ATP2B1: variants seen among roughly 807,000 people sequenced by gnomAD.
ATP2B1 encodes plasma membrane calcium-transporting ATPase 1.
Under a neutral mutation model 124.2 loss-of-function variants are expected in ATP2B1, and 14 were observed. That is an observed-to-expected ratio of 0.11 (90% CI 0.07 to 0.18). The LOEUF is 0.18. Among genes scored for constraint, ATP2B1 ranks in the 10% least tolerant of loss-of-function variants. ATP2B1 has a pLI of 1.00. For synonymous variants in ATP2B1, 449 were observed against 492.4 expected, an observed-to-expected ratio of 0.91 and a Z score of 1.17; for missense variants, 763 against 1,466.1, an observed-to-expected ratio of 0.52 and a Z score of 7.83.
intron 1 of ATP2B1, among the ~76,000 whole-genome samples, chr12:89,685,663 A>C (rs1442772104): frequency 2.0e-5 from 3 of 152,112 alleles, no homozygotes; most frequent in Non-Finnish European, 4.4e-5. Flanking sequence ...GTTTTAGTTG[A>C]CTAAAATTAC....
rs370724894 is a variant in ATP2B1, at chr12:89,609,864, C to CAACA, written c.2442+69_2442+72dup. On this transcript the variant is annotated intron_variant, in intron 15 of 20. Coordinates refer to ENST00000428670, the MANE Select transcript of ATP2B1 (RefSeq NM_001366521.1). Reference sequence around the variant, plus strand: ...TGTTTAAAATCCATAGTAATTTAGTCAACAAACAAACAAACAAACAAACAA... The same window carrying CAACA: ...TGTTTAAAATCCATAGTAATTTAGTCAACAAACAAACAAACAAACAAACAAACAA... 7.7e-4 allele frequency: 1,057 copies of CAACA among 1,365,410 alleles called. 1 individual carries two copies. The highest frequency in any genetic ancestry group is 2.8e-3 in the East Asian group (118 of 42,358). 84.6% of individuals were successfully genotyped at this position (1,365,410 alleles called of 1,614,324 possible). A position where few individuals can be genotyped will look rare whatever the true frequency, so the allele number is the denominator to read the frequency against.
At chr12:89,671,830 T>C (rs1163492889) in intron 1 of ATP2B1, among the ~76,000 whole-genome samples, 2 of 150,856 alleles carry the variant, frequency 1.3e-5, no homozygotes, top group Admixed American at 6.6e-5. Flanking sequence ...ATCAAGCTCA[T>C]GAACTCTGTA....
At chr12:89,652,295 T>C (rs140422110) in intron 2 of ATP2B1, among the ~76,000 whole-genome samples, 11 of 133,938 alleles carry the variant, frequency 8.2e-5, no homozygotes, top group African/African-American at 3.1e-4. Context: ...ATTGTGATGA[T>C]TTAATTATAC....
At chr12:89,624,494 G>T in intron 8 of ATP2B1, 97 bp from the exon 9 acceptor site, 1 of 965,984 alleles carries the variant, frequency 1.0e-6, no homozygotes, top group Non-Finnish European at 1.5e-6. Context: ...GTTATAACTT[G>T]CTTGATAGTA....
intron 1 of ATP2B1, among the ~76,000 whole-genome samples, chr12:89,668,482 C>T (rs1887563284): frequency 6.6e-6 from 1 of 152,192 alleles, no homozygotes; most frequent in Non-Finnish European, 1.5e-5. Flanking sequence ...AAGCTCCTGA[C>T]TTCCTAATTC....
intron 20 of ATP2B1, chr12:89,598,487 A>G: frequency 7.5e-7 from 1 of 1,342,024 alleles, no homozygotes. Flanking sequence ...AAGCTTTATG[A>G]AAAAGCCTGA....
chr12:89,644,766 T>C (rs1180825668), intron 2 of ATP2B1, among the ~76,000 whole-genome samples: 1 of 152,182 alleles, frequency 6.6e-6, no homozygotes, highest in East Asian at 1.9e-4. Context: ...AAGACTACCA[T>C]TAATTGCATA....
In ATP2B1 at chr12:89,626,497, T is replaced by A; in HGVS notation, c.1086A>T (p.Leu362Phe). ...ANLPKKEKSV[L>F]QGKLTKLAVQ... ...CAGCCAGTTTTGTAAGTTTCCCTTG[T>A]AAAACAGATTTTTCCTTTTTTGGCA... Residue 362 changes from leucine (L) to phenylalanine (F), a missense_variant, in exon 8 of 21, where the codon TTA becomes TTT. Coordinates refer to ENST00000428670, the MANE Select transcript of ATP2B1 (RefSeq NM_001366521.1). The A allele has an allele frequency of 6.2e-7, 1 of 1,613,670 alleles. No homozygotes were observed. The highest frequency in any genetic ancestry group is 8.5e-7 in the Non-Finnish European group (1 of 1,179,856).
At position 89,591,000 on chromosome 12, in the gene ATP2B1, A is replaced by G. The variant is rs1237030912; in HGVS notation, c.3647T>C (p.Leu1216Ser). The G allele has an allele frequency of 3.7e-6, 6 of 1,612,348 alleles. No individual in the cohort carries two copies. Among genetic ancestry groups the G allele is most frequent in the Non-Finnish European group, 5.1e-6 (6 of 1,178,724 alleles). Residue 1216 changes from leucine (L) to serine (S), a missense_variant, in exon 21 of 21, where the codon TTG becomes TCG. Leu to Ser is a moderately radical substitution (Grantham distance 145). This residue lies in a region of ATP2B1 where 97 missense variants were observed against 94.7 expected (regional missense o/e 1.02). Transcript: ENST00000428670. ...SSSPGSPLHSLETSL is the reference protein window; with the variant it reads ...SSSPGSPLHSSETSL ...AGCTTACAATCAGAGTGATGTTTCC[A>G]AACTATGTAGTGGGCTTCCTGGGGA... is the stretch of plus-strand genomic sequence containing the variant.
At chr12:89,630,760 T>A (rs11105350) in intron 5 of ATP2B1, 115 bp from the exon 6 acceptor site, 1 of 323,182 alleles carries the variant, frequency 3.1e-6, no homozygotes, top group Non-Finnish European at 5.4e-6. Flanking sequence ...GGAAAAAATA[T>A]ATATAAATAT....
At chr12:89,616,620 T>C (rs1015122830) in intron 12 of ATP2B1, among the ~76,000 whole-genome samples, 182 bp downstream of exon 12, 1 of 152,098 alleles carries the variant, frequency 6.6e-6, no homozygotes, top group Non-Finnish European at 1.5e-5. Context: ...ACACTGTCTT[T>C]AAAAACCATA....
intron 2 of ATP2B1, among the ~76,000 whole-genome samples, chr12:89,654,944 C>T (rs191874394): frequency 6.6e-6 from 1 of 152,206 alleles, no homozygotes; most frequent in East Asian, 1.9e-4. Flanking sequence ...CCTGGAATGT[C>T]CTAACCTTTA....
intron 3 of ATP2B1, among the ~76,000 whole-genome samples, chr12:89,640,166 A>C (rs1182966089): frequency 1.3e-5 from 2 of 152,212 alleles, no homozygotes; most frequent in African/African-American, 4.8e-5. Flanking sequence ...AGGAATCTCT[A>C]AGAAATGGGA....
At chr12:89,624,161 T>C in intron 9 of ATP2B1, 22 bp downstream of exon 9, 4 of 1,605,554 alleles carry the variant, frequency 2.5e-6, no homozygotes, top group Non-Finnish European at 3.4e-6. Flanking sequence ...TAACAACGTC[T>C]ACTGAACTAT....
Position 89,659,184 on chromosome 12 carries a change from G to T in ATP2B1, c.-221-3077C>A, listed in dbSNP as rs570060462. 1.8e-4 allele frequency among the ~76,000 whole-genome samples: 28 copies of T among 152,254 alleles called. No homozygotes were observed. In the South Asian group the frequency reaches 5.6e-3, roughly 30 times the overall value. On this transcript the variant is annotated intron_variant, in intron 1 of 20. Coordinates refer to ENST00000428670, the MANE Select transcript of ATP2B1 (RefSeq NM_001366521.1). ...TTTTGCTTCTCTTTGTTTTCTAATA[G>T]AATTTTATCTTCTACTTGAAAAGTC...
At chr12:89,642,417 T>C in intron 2 of ATP2B1, 62 bp from the exon 3 acceptor site, 1 of 1,465,874 alleles carries the variant, frequency 6.8e-7, no homozygotes, top group Non-Finnish European at 9.3e-7. Flanking sequence ...AATATATAGT[T>C]TTATTCAAAA....
intron 1 of ATP2B1, among the ~76,000 whole-genome samples, chr12:89,689,898 T>C (rs1348133787): frequency 6.6e-6 from 1 of 152,134 alleles, no homozygotes; most frequent in Non-Finnish European, 1.5e-5. Context: ...ATACTGTAAA[T>C]ACAGAAATTG....
intron 7 of ATP2B1, among the ~76,000 whole-genome samples, chr12:89,627,232 T>G (rs748462228): frequency 1.3e-5 from 2 of 152,122 alleles, no homozygotes; most frequent in African/African-American, 2.4e-5. Context: ...TGATGCGGAA[T>G]AGTCAAAACT....
chr12:89,694,422 T>C (rs1328193111), intron 1 of ATP2B1, among the ~76,000 whole-genome samples: 1 of 152,146 alleles, frequency 6.6e-6, no homozygotes, highest in Non-Finnish European at 1.5e-5. Flanking sequence ...ACTCAAAGTT[T>C]CCTCCTTTCA....
Sources: gnomAD v4.1 joint callset for allele counts (sites outside exome capture counted in the v4.1 genomes callset) on GRCh38, gnomAD v4.1.1 for gene constraint, gnomAD v4.1.1 regional missense constraint, MANE v1.5 for transcripts, NCBI Gene and HGNC (gene_info 2026-07-23, HGNC 2026-07-21) for gene names.